The following DOCK2 variants were observed in gnomAD, a reference collection of about 807,000 sequenced individuals.
The protein encoded by DOCK2 is dedicator of cytokinesis 2.
A neutral mutation model predicts 248.9 loss-of-function variants in DOCK2; 87 were observed. That is an observed-to-expected ratio of 0.35 (90% CI 0.29 to 0.42). The LOEUF (loss-of-function observed/expected upper bound fraction) is 0.42, where lower values mean the gene tolerates loss of function less well. DOCK2 is among the 10% of genes least tolerant of loss of function. The probability of loss-of-function intolerance (pLI) is 1.00; values close to 1 mark genes in which losing one functional copy is unlikely to be tolerated. For missense variants in DOCK2, 1,747 were observed against 2,300.2 expected, an observed-to-expected ratio of 0.76 and a Z score of 4.92; for synonymous variants, 805 against 821.6, an observed-to-expected ratio of 0.98 and a Z score of 0.35.
chr5:169,857,273 A>G (rs1770942662), intron 27 of DOCK2, among the ~76,000 whole-genome samples: 1 of 152,240 alleles, frequency 6.6e-6, no homozygotes, highest in Admixed American at 6.5e-5. Flanking sequence ...GTAAGGCAGT[A>G]TCTGGTAAAA....
At chr5:169,925,441 G>A (rs983794779) in intron 27 of DOCK2, among the ~76,000 whole-genome samples, 2 of 152,000 alleles carry the variant, frequency 1.3e-5, no homozygotes, top group African/African-American at 2.4e-5. Flanking sequence ...TTAACTGAGC[G>A]TGGTGTTGTG....
intron 46 of DOCK2, 143 bp from the exon 47 acceptor site, chr5:170,075,804 C>T (rs988640390): frequency 5.4e-5 from 57 of 1,046,804 alleles, no homozygotes; most frequent in Middle Eastern, 3.3e-4. Flanking sequence ...GGCTGGGGAC[C>T]GTGTGTGCAG....
In DOCK2 at chr5:169,832,785, G is replaced by A. The variant is rs1388138317; in HGVS notation, c.2704-7972G>A. 2.6e-5 allele frequency among the ~76,000 whole-genome samples: 4 copies of A among 152,032 alleles called. No individual in the cohort carries two copies. In the East Asian group the frequency reaches 7.7e-4, roughly 29 times the overall value. ...AGACCTCTTCCATAGAACACAGAATGGACAAAACAGTAGCAGCCATAGATT... is the reference window on the plus strand; with the variant it reads ...AGACCTCTTCCATAGAACACAGAATAGACAAAACAGTAGCAGCCATAGATT... On this transcript the variant is annotated intron_variant, in intron 26 of 51. Coordinates refer to ENST00000520908, the MANE Select transcript of DOCK2 (RefSeq NM_004946.3).
intron 48 of DOCK2, 118 bp from the exon 49 acceptor site, chr5:170,078,857 G>A: frequency 8.6e-7 from 1 of 1,162,678 alleles, no homozygotes; most frequent in Non-Finnish European, 1.2e-6. Flanking sequence ...ATCTACTCCA[G>A]ACCCTGTAGT....
chr5:169,965,049 G>T (rs1194909329), intron 27 of DOCK2, among the ~76,000 whole-genome samples: 2 of 152,200 alleles, frequency 1.3e-5, no homozygotes, highest in Non-Finnish European at 2.9e-5. Flanking sequence ...AACATCTGTT[G>T]AAGCCCTACT....
intron 1 of DOCK2, among the ~76,000 whole-genome samples, chr5:169,650,937 G>C (rs1461588361): frequency 6.6e-6 from 1 of 152,240 alleles, no homozygotes; most frequent in Non-Finnish European, 1.5e-5. Flanking sequence ...CCTGAGGGCT[G>C]TGGGTAGGCT....
chr5:169,973,347 G>A (rs1777595958), intron 27 of DOCK2, among the ~76,000 whole-genome samples: 1 of 152,134 alleles, frequency 6.6e-6, no homozygotes, highest in Admixed American at 6.5e-5. Context: ...CACATCTCCG[G>A]CTGATCACAG....
At position 170,050,511 on chromosome 5, in the gene DOCK2, G is replaced by A. The variant is rs1000143312; in HGVS notation, c.4213+114G>A. The A allele has an allele frequency of 3.9e-6, 5 of 1,270,570 alleles. No homozygotes were observed. In the African/African-American group the frequency reaches 4.5e-5, roughly 11 times the overall value. 78.7% of individuals were successfully genotyped at this position (1,270,570 alleles called of 1,614,324 possible). On this transcript the variant is annotated intron_variant, in intron 41 of 51. Transcript: ENST00000520908. ...GGCTGCTGCCAGAATCATTGCAGTG[G>A]CGCCATGTTGCAGGAACATGCAACA...
chr5:170,050,232 C>T (rs1361461896), intron 40 of DOCK2, 24 bp from the exon 41 acceptor site: 2 of 1,611,660 alleles, frequency 1.2e-6, no homozygotes, highest in African/African-American at 2.7e-5. Flanking sequence ...CCCCAAATCT[C>T]TAATGAGCAT....
At chr5:169,727,067 CA>C (rs796894886) in intron 22 of DOCK2, among the ~76,000 whole-genome samples, 2,135 of 89,146 alleles carry the variant, frequency 0.024, 22 homozygotes, top group Middle Eastern at 0.04. Context: ...GACCCTGTCT[CA>C]AAAAAAAAAA....
At chr5:169,966,635 G>A (rs1386374439) in intron 27 of DOCK2, among the ~76,000 whole-genome samples, 1 of 152,130 alleles carries the variant, frequency 6.6e-6, no homozygotes, top group African/African-American at 2.4e-5. Context: ...TATTTTACAG[G>A]TGAGGAAGAG....
intron 27 of DOCK2, among the ~76,000 whole-genome samples, chr5:169,862,254 A>C (rs1432190700): frequency 1.3e-5 from 2 of 152,216 alleles, no homozygotes; most frequent in African/African-American, 4.8e-5. Flanking sequence ...CCATTTGCCA[A>C]AGGCTAGTGG....
chr5:170,008,212 ACAAC>A (rs1163950948), intron 30 of DOCK2, among the ~76,000 whole-genome samples: 1,703 of 68,112 alleles, frequency 0.025, 54 homozygotes, highest in African/African-American at 0.12. Flanking sequence ...AACAACAACA[ACAAC>A]AACAACAACA....
chr5:169,652,327 A>G (rs1700029198), intron 1 of DOCK2, among the ~76,000 whole-genome samples: 2 of 152,222 alleles, frequency 1.3e-5, no homozygotes, highest in South Asian at 4.1e-4. Flanking sequence ...GCAGTTGTAC[A>G]CTGCAGCCCT....
chr5:169,995,457 A>G (rs1430672979), intron 29 of DOCK2, among the ~76,000 whole-genome samples: 1 of 152,258 alleles, frequency 6.6e-6, no homozygotes, highest in Non-Finnish European at 1.5e-5. Context: ...AAAAAACCCA[A>G]AAAGATCCAT....
intron 23 of DOCK2, among the ~76,000 whole-genome samples, chr5:169,758,891 G>GGGT (rs1204997252): frequency 1.3e-5 from 2 of 152,266 alleles, no homozygotes; most frequent in African/African-American, 4.8e-5. Context: ...GATTGTTAAA[G>GGGT]GGTGATACAT....
Position 170,067,704 on chromosome 5 carries a change from C to T in DOCK2, c.4644+18C>T. ...ATGAGAAGGTGAGGATTTCTGTTCT[C>T]CAAGTCTAGGGGAGCTCGGTGAGCA... On this transcript the variant is annotated intron_variant, in intron 45 of 51. Coordinates refer to ENST00000520908, the MANE Select transcript of DOCK2 (RefSeq NM_004946.3). The T allele has an allele frequency of 6.2e-7, 1 of 1,613,246 alleles. No homozygotes were observed. The highest frequency in any genetic ancestry group is 8.5e-7 in the Non-Finnish European group (1 of 1,179,474).
intron 2 of DOCK2, among the ~76,000 whole-genome samples, chr5:169,665,503 A>G (rs937583230): frequency 6.6e-6 from 1 of 152,038 alleles, no homozygotes; most frequent in East Asian, 1.9e-4. Context: ...CTTGCTTCAG[A>G]CATTTGTTTT....
At chr5:169,988,851 T>C (rs1778138699) in intron 29 of DOCK2, among the ~76,000 whole-genome samples, 1 of 152,142 alleles carries the variant, frequency 6.6e-6, no homozygotes, top group South Asian at 2.1e-4. Context: ...TAGTGAACAA[T>C]TTCAACCCAA....
Sources: gnomAD v4.1 joint callset for allele counts (sites outside exome capture counted in the v4.1 genomes callset) on GRCh38, gnomAD v4.1.1 for gene constraint, MANE v1.5 for transcripts, NCBI Gene and HGNC (gene_info 2026-07-23, HGNC 2026-07-21) for gene names.